Variants in LMO3 observed in about 807,000 individuals in gnomAD.
LMO3 encodes LIM domain only 3.
A neutral mutation model predicts 15.8 loss-of-function variants in LMO3; 2 were observed. The observed-to-expected ratio is 0.13, with a 90% CI of 0.05 to 0.40. LMO3 has a LOEUF of 0.40. Among genes scored for constraint, LMO3 ranks in the 10% least tolerant of loss-of-function variants. The pLI is 0.99. For missense variants in LMO3, 86 were observed against 182.2 expected (o/e 0.47, Z 3.04); for synonymous variants, 62 against 63.8 (o/e 0.97, Z 0.13).
intron 1 of LMO3, 71 bp downstream of exon 1, chr12:16,605,995 C>T (rs1175218237): frequency 4.8e-6 from 3 of 620,876 alleles, no homozygotes; most frequent in Admixed American, 5.6e-5. Context: ...CATCCGCACA[C>T]GCACGCGCGC....
In LMO3 at chr12:16,600,832, G is replaced by A. The variant is rs758224866; in HGVS notation, c.29C>T (p.Pro10Leu). The change falls in exon 2 of 4, where the codon CCG becomes CTG. Residue 10 changes from proline (P) to leucine (L), a missense_variant. By Grantham distance (98) the Pro-to-Leu change is moderately conservative. Coordinates refer to ENST00000537304, the MANE Select transcript of LMO3 (RefSeq NM_018640.5). MLSVQPDTKPKGCAGCNRKI... is the reference protein window; with the variant it reads MLSVQPDTKLKGCAGCNRKI... ...TCGGTTGCAGCCAGCACAACCTTTC[G>A]GCTTGGTGTCTGGCTGGACTGAGAG... is the stretch of plus-strand genomic sequence containing the variant. The A allele has an allele frequency of 2.3e-5, 37 of 1,613,880 alleles. No homozygotes were observed. The highest frequency in any genetic ancestry group is 8.8e-5 in the South Asian group (8 of 91,078).
Position 16,577,357 on chromosome 12 carries a change from C to T in LMO3, c.207-16819G>A, listed in dbSNP as rs141068288. On this transcript the variant is annotated intron_variant, in intron 2 of 3. Coordinates refer to ENST00000537304, the MANE Select transcript of LMO3 (RefSeq NM_018640.5). ...ATCACAATTCTTCCATGAAGGCCTC[C>T]TAAATAAGCTGAGTTATTAAAATCA... Among the ~76,000 whole-genome samples, 479 of 152,222 alleles carry T rather than the reference C, an allele frequency of 3.1e-3. 6 individuals carry two copies. Among genetic ancestry groups the T allele is most frequent in the African/African-American group, 0.01 (429 of 41,552 alleles).
At position 16,603,028 on chromosome 12, in the gene LMO3, T is replaced by G. The variant is rs1483206612; in HGVS notation, c.-8-2160A>C. Among the ~76,000 whole-genome samples, 3 of 151,674 alleles carry G rather than the reference T, an allele frequency of 2.0e-5. No individual in the cohort carries two copies. The highest frequency in any genetic ancestry group is 7.3e-5 in the African/African-American group (3 of 41,374). On this transcript the variant is annotated intron_variant, in intron 1 of 3. Coordinates refer to ENST00000537304, the MANE Select transcript of LMO3 (RefSeq NM_018640.5). This position sits in a 1 kb window ranked among gnomAD's most constrained non-coding sequence, Gnocchi z 4.9. Reference sequence around the variant, plus strand: ...AAATCCCAGTAGCAGCTAAGTTATATTTCCCACAGTTGTGTTTCTACCATC... The same window carrying G: ...AAATCCCAGTAGCAGCTAAGTTATAGTTCCCACAGTTGTGTTTCTACCATC...
Position 16,551,212 on chromosome 12 carries a change from T to A in LMO3, c.*10A>T. On this transcript the variant is annotated 3_prime_UTR_variant, in exon 4 of 4. Coordinates refer to ENST00000537304, the MANE Select transcript of LMO3 (RefSeq NM_018640.5). ...GTGCTTTGTATTCTTAATGGGGTGA[T>A]GTTGATAGATCAGCGAACCTGGGGT... The A allele has an allele frequency of 6.6e-7, 1 of 1,507,596 alleles. No individual in the cohort carries two copies. Among genetic ancestry groups the A allele is most frequent in the Admixed American group, 1.7e-5 (1 of 59,872 alleles). The allele number at this position is 1,507,596 out of a possible 1,614,324, so 93.4% of individuals were successfully genotyped here.
chr12:16,571,657 A>T (rs1179478541), intron 2 of LMO3, among the ~76,000 whole-genome samples: 2 of 152,018 alleles, frequency 1.3e-5, no homozygotes, highest in African/African-American at 4.8e-5. Flanking sequence ...TGAGAACTCA[A>T]AGGTTTCACA....
At position 16,596,495 on chromosome 12, in the gene LMO3, G is replaced by A. The variant is rs1001168692; in HGVS notation, c.206+4160C>T. Among the ~76,000 whole-genome samples, 2 of 151,534 alleles carry A rather than the reference G, an allele frequency of 1.3e-5. No homozygotes were observed. The highest frequency in any genetic ancestry group is 1.5e-5 in the Non-Finnish European group (1 of 67,602). ...TACATACAGCCTATATAGACTTAAT[G>A]CTTAAAGTACGTCACAAAAAGTTGC... On this transcript the variant is annotated intron_variant, in intron 2 of 3. Transcript: ENST00000537304. This position sits in a 1 kb window ranked among gnomAD's most constrained non-coding sequence, Gnocchi z 4.3.
intron 3 of LMO3, among the ~76,000 whole-genome samples, chr12:16,556,776 G>A (rs969565613): frequency 1.3e-5 from 2 of 152,166 alleles, no homozygotes; most frequent in Non-Finnish European, 2.9e-5. Context: ...AAATTTGTCT[G>A]CTTTGCTTGA....
rs1942368453 is a variant in LMO3 at position 16,560,649 on chromosome 12, T to C, written c.207-111A>G. ...TAAAGCTACAATACACAATGCTTTA[T>C]GATGTACACAAGTGGATTTTATCCT... On this transcript the variant is annotated intron_variant, in intron 2 of 3. Transcript: ENST00000537304. The surrounding 1 kb of genome is among the most constrained non-coding windows in gnomAD (Gnocchi z 5.0). 1.1e-6 allele frequency: 1 copy of C among 944,312 alleles called. No homozygotes were observed. Among genetic ancestry groups the C allele is most frequent in the South Asian group, 1.7e-5 (1 of 59,774 alleles). 58.5% of individuals were successfully genotyped at this position (944,312 alleles called of 1,614,324 possible). A position where few individuals can be genotyped will look rare whatever the true frequency, so the allele number is the denominator to read the frequency against.
chr12:16,571,502 A>C (rs1337058354), intron 2 of LMO3, among the ~76,000 whole-genome samples: 2 of 152,042 alleles, frequency 1.3e-5, no homozygotes. Flanking sequence ...CTCTAAAAGC[A>C]AGGGTATTCA....
Position 16,578,194 on chromosome 12 carries a change from C to A in LMO3, c.207-17656G>T, listed in dbSNP as rs141520454. Reference sequence around the variant, plus strand: ...AACTTAGAAAATGTTAACTAACTACCTAAAGTGACAGTACTGCAATTTTCT... The same window carrying A: ...AACTTAGAAAATGTTAACTAACTACATAAAGTGACAGTACTGCAATTTTCT... On this transcript the variant is annotated intron_variant, in intron 2 of 3. Transcript: ENST00000537304. Among the ~76,000 whole-genome samples, 823 of 152,220 alleles carry A rather than the reference C, an allele frequency of 5.4e-3. 8 individuals are homozygous for A. The highest frequency in any genetic ancestry group is 0.019 in the African/African-American group (799 of 41,536).
At chr12:16,574,049 A>G (rs1942915306) in intron 2 of LMO3, 1 of 152,092 alleles carries the variant, frequency 6.6e-6, no homozygotes. Context: ...GAAGTAACAA[A>G]TGTGTCCACG....
Position 16,596,760 on chromosome 12 carries a change from C to T in LMO3, c.206+3895G>A, listed in dbSNP as rs1943672136. Among the ~76,000 whole-genome samples the T allele has an allele frequency of 1.3e-5, 2 of 151,752 alleles. No individual in the cohort carries two copies. Among genetic ancestry groups the T allele is most frequent in the African/African-American group, 4.8e-5 (2 of 41,512 alleles). ...TCAAACTGAAATAAGGCGGATAGAT[C>T]GCAGTGATGAGTACCTTAAACATTA... On this transcript the variant is annotated intron_variant, in intron 2 of 3. Coordinates refer to ENST00000537304, the MANE Select transcript of LMO3 (RefSeq NM_018640.5). This position sits in a 1 kb window ranked among gnomAD's most constrained non-coding sequence, Gnocchi z 4.3.
At chr12:16,605,060 G>T in intron 1 of LMO3, 1 of 1,489,188 alleles carries the variant, frequency 6.7e-7, no homozygotes, top group Admixed American at 2.3e-5. Context: ...TCGGAGTGGC[G>T]GCAGGGGGTG....
intron 2 of LMO3, among the ~76,000 whole-genome samples, chr12:16,574,476 C>A (rs977640754): frequency 1.3e-5 from 2 of 152,164 alleles, no homozygotes; most frequent in Admixed American, 1.3e-4. Context: ...ACAGCCCAGA[C>A]TAGCAGGCTG....
chr12:16,575,313 C>T (rs1040421722), intron 2 of LMO3, among the ~76,000 whole-genome samples: 12 of 152,172 alleles, frequency 7.9e-5, no homozygotes, highest in African/African-American at 2.7e-4. Context: ...ATACTGTCTA[C>T]GAAGCCTTTT....
Position 16,599,471 on chromosome 12 carries a change from T to C in LMO3, c.206+1184A>G, listed in dbSNP as rs777471024. ...GATCTGACTGAAAATAGCTGAATTA[T>C]ATACTAAGAACGACCAAATTCCCTA... On this transcript the variant is annotated intron_variant, in intron 2 of 3. Coordinates refer to ENST00000537304, the MANE Select transcript of LMO3 (RefSeq NM_018640.5). This position sits in a 1 kb window ranked among gnomAD's most constrained non-coding sequence, Gnocchi z 4.1. 6.6e-6 allele frequency: 1 copy of C among 152,166 alleles called. No individual in the cohort carries two copies. The highest frequency in any genetic ancestry group is 1.5e-5 in the Non-Finnish European group (1 of 68,024). 9.4% of individuals were successfully genotyped at this position (152,166 alleles called of 1,614,324 possible).
chr12:16,567,873 A>T (rs1394596661), intron 2 of LMO3, among the ~76,000 whole-genome samples: 1 of 152,184 alleles, frequency 6.6e-6, no homozygotes, highest in Admixed American at 6.5e-5. Flanking sequence ...AAGCCCACTC[A>T]GAGGGCTCAC....
intron 2 of LMO3, among the ~76,000 whole-genome samples, chr12:16,563,178 T>A (rs1465469340): frequency 6.6e-6 from 1 of 152,160 alleles, no homozygotes; most frequent in African/African-American, 2.4e-5. Flanking sequence ...TACTGAACTG[T>A]CAGCTCACAG....
rs368348406 is a variant in LMO3, at chr12:16,558,261, T to C, written c.332+2152A>G. On this transcript the variant is annotated intron_variant, in intron 3 of 3. Coordinates refer to ENST00000537304, the MANE Select transcript of LMO3 (RefSeq NM_018640.5). The stretch of plus-strand genomic sequence containing the variant: ...TATATATCAAAATATTAAAATGTTT[T>C]CTTTTAGAAGAATGAGACATGGGAC... 1.8e-4 allele frequency among the ~76,000 whole-genome samples: 27 copies of C among 152,204 alleles called. No individual in the cohort carries two copies. The South Asian group carries it at 5.4e-3, about 30-fold the overall frequency.
Sources: gnomAD v4.1 joint callset for allele counts (sites outside exome capture counted in the v4.1 genomes callset) on GRCh38, gnomAD v4.1.1 for gene constraint, Gnocchi (gnomAD v3.1) non-coding constraint, MANE v1.5 for transcripts, NCBI Gene and HGNC (gene_info 2026-07-23, HGNC 2026-07-21) for gene names.